ARL15: variants seen among roughly 807,000 people sequenced by gnomAD.
The protein encoded by ARL15 is ARF like GTPase 15, also known as ADP-ribosylation factor-like protein 15.
A neutral mutation model predicts 25.2 loss-of-function variants in ARL15; 19 were observed. That is an observed-to-expected ratio of 0.75 (90% confidence interval 0.53 to 1.10). The LOEUF (loss-of-function observed/expected upper bound fraction) is 1.10. Ranked by LOEUF, ARL15 falls within the 50% of genes least tolerant of loss-of-function variation. The probability of loss-of-function intolerance (pLI) is 0.00; values close to 1 mark genes in which losing one functional copy is unlikely to be tolerated. For synonymous variants in ARL15, 94 were observed against 86.8 expected (o/e 1.08, Z -0.46); for missense variants, 220 against 246.0 (o/e 0.89, Z 0.71).
intron 3 of ARL15, among the ~76,000 whole-genome samples, chr5:54,119,121 T>C (rs951395261): frequency 1.3e-5 from 2 of 152,180 alleles, no homozygotes; most frequent in Non-Finnish European, 2.9e-5. Flanking sequence ...AGGATGACCT[T>C]CCAACGGCTC....
chr5:54,249,312 A>C (rs1757177066), intron 1 of ARL15, among the ~76,000 whole-genome samples: 1 of 152,200 alleles, frequency 6.6e-6, no homozygotes, highest in African/African-American at 2.4e-5. Context: ...CTTTCTATGT[A>C]CATCTCTTTT....
At chr5:53,951,220 C>T (rs1189028737) in intron 4 of ARL15, among the ~76,000 whole-genome samples, 1 of 152,164 alleles carries the variant, frequency 6.6e-6, no homozygotes, top group Non-Finnish European at 1.5e-5. Flanking sequence ...GTATGGCCTA[C>T]AAAGCCTATA....
chr5:53,886,464 T>C lies in ARL15; in HGVS notation c.*97A>G, dbSNP rs531982766. ...GAAATGACCAGAGGAAAATAGATAC[T>C]GAAGCCAATATAGTCTTGATACCAA... is the stretch of plus-strand genomic sequence containing the variant. On this transcript the variant is annotated 3_prime_UTR_variant, in exon 5 of 5. Transcript: ENST00000504924. The C allele has an allele frequency of 1.3e-5, 17 of 1,331,720 alleles. No individual in the cohort carries two copies. In the East Asian group the frequency reaches 4.0e-4, roughly 32 times the overall value. The allele number at this position is 1,331,720 out of a possible 1,614,324, so 82.5% of individuals were successfully genotyped here.
At chr5:54,126,728 T>C (rs1412229368) in intron 3 of ARL15, among the ~76,000 whole-genome samples, 1 of 152,258 alleles carries the variant, frequency 6.6e-6, no homozygotes, top group African/African-American at 2.4e-5. Flanking sequence ...TGCCACAGGA[T>C]AACACGGCAA....
chr5:54,181,180 T>C (rs27428), intron 1 of ARL15, among the ~76,000 whole-genome samples: 38,623 of 152,142 alleles, frequency 0.25, 5,333 homozygotes, highest in African/African-American at 0.34. Flanking sequence ...ATAGGATTTT[T>C]TTCTTTTACT....
At chr5:54,236,714 A>C (rs1424875249) in intron 1 of ARL15, among the ~76,000 whole-genome samples, 1 of 152,196 alleles carries the variant, frequency 6.6e-6, no homozygotes, top group Non-Finnish European at 1.5e-5. Flanking sequence ...CAGTGCATAC[A>C]TTCATTTAAA....
chr5:53,991,798 G>T (rs1374450468), intron 4 of ARL15, among the ~76,000 whole-genome samples: 1 of 152,056 alleles, frequency 6.6e-6, no homozygotes. Flanking sequence ...CACTATGGTG[G>T]TGTCTTTAGG....
chr5:54,270,943 C>G (rs1468437661), intron 1 of ARL15, among the ~76,000 whole-genome samples: 2 of 152,122 alleles, frequency 1.3e-5, no homozygotes, highest in Non-Finnish European at 2.9e-5. Context: ...GTGGTGAAGA[C>G]AGTAAAGAAA....
chr5:54,159,508 T>C (rs1264058739), intron 2 of ARL15, among the ~76,000 whole-genome samples: 1 of 152,200 alleles, frequency 6.6e-6, no homozygotes, highest in Non-Finnish European at 1.5e-5. Context: ...TGAGATGTCC[T>C]CTAAAATTAG....
intron 4 of ARL15, among the ~76,000 whole-genome samples, chr5:53,940,625 T>G (rs987548450): frequency 5.9e-5 from 9 of 152,166 alleles, no homozygotes; most frequent in African/African-American, 2.2e-4. Flanking sequence ...GAAATAAAAG[T>G]CACATGGCAT....
chr5:53,894,683 T>C (rs1744817350), intron 4 of ARL15, among the ~76,000 whole-genome samples: 1 of 152,150 alleles, frequency 6.6e-6, no homozygotes, highest in Non-Finnish European at 1.5e-5. Flanking sequence ...AGTTATTCTA[T>C]CAGGCCCTCT....
intron 1 of ARL15, among the ~76,000 whole-genome samples, chr5:54,305,853 G>C (rs1008571764): frequency 1.3e-5 from 2 of 152,022 alleles, no homozygotes; most frequent in Admixed American, 6.6e-5. Context: ...ATGGGAGGGT[G>C]GAGGCTACTA....
Position 53,989,080 on chromosome 5 carries a change from G to C in ARL15, c.463-102367C>G, listed in dbSNP as rs116736435. ...GATTTGGGGAGGAGAATGGATAATT[G>C]AAAGAGTCCAGACTATGCAGTCAGT... is the stretch of plus-strand genomic sequence containing the variant. On this transcript the variant is annotated intron_variant, in intron 4 of 4. Transcript: ENST00000504924. 7.7e-3 allele frequency among the ~76,000 whole-genome samples: 1,178 copies of C among 152,258 alleles called. 15 individuals carry two copies. Among genetic ancestry groups the C allele is most frequent in the African/African-American group, 0.027 (1,128 of 41,556 alleles).
intron 1 of ARL15, among the ~76,000 whole-genome samples, chr5:54,213,992 G>A (rs1018234704): frequency 2.6e-5 from 4 of 152,082 alleles, no homozygotes; most frequent in Non-Finnish European, 5.9e-5. Context: ...ATATATGAGA[G>A]AGAAGTCTTT....
chr5:54,148,451 C>A (rs1351178797), intron 3 of ARL15, among the ~76,000 whole-genome samples: 1 of 152,076 alleles, frequency 6.6e-6, no homozygotes, highest in African/African-American at 2.4e-5. Flanking sequence ...ATTGCATGGG[C>A]CGAAGCAAAC....
In ARL15 at chr5:53,886,555, C is replaced by A; in HGVS notation, c.*6G>T. On this transcript the variant is annotated 3_prime_UTR_variant, in exon 5 of 5. Coordinates refer to ENST00000504924, the MANE Select transcript of ARL15 (RefSeq NM_019087.3). Reference sequence around the variant, plus strand: ...CCTTTTGGGAGCCTGTTTTCTTTGCCAGATTTCACATTCTTACAGCTTCAT... The same window carrying A: ...CCTTTTGGGAGCCTGTTTTCTTTGCAAGATTTCACATTCTTACAGCTTCAT... The A allele has an allele frequency of 6.4e-7, 1 of 1,552,646 alleles. No homozygotes were observed. The highest frequency in any genetic ancestry group is 2.4e-5 in the East Asian group (1 of 42,490).
intron 4 of ARL15, among the ~76,000 whole-genome samples, chr5:54,079,701 G>A (rs754247127): frequency 6.6e-6 from 1 of 152,226 alleles, no homozygotes. Context: ...CAGGCATGGT[G>A]GCTCACGCCT....
intron 1 of ARL15, among the ~76,000 whole-genome samples, chr5:54,191,400 G>T (rs1282579902): frequency 6.6e-6 from 1 of 151,744 alleles, no homozygotes; most frequent in Non-Finnish European, 1.5e-5. Context: ...GTGATGGTGG[G>T]GATATAACAT....
At chr5:53,923,022 T>C (rs1423939182) in intron 4 of ARL15, among the ~76,000 whole-genome samples, 1 of 152,226 alleles carries the variant, frequency 6.6e-6, no homozygotes, top group Non-Finnish European at 1.5e-5. Flanking sequence ...CTTTCATTTA[T>C]TTTGATGATT....
Sources: allele counts gnomAD v4.1 joint callset (sites outside exome capture counted in the v4.1 genomes callset), GRCh38; gene constraint gnomAD v4.1.1; transcripts MANE v1.5; gene names NCBI Gene and HGNC (gene_info 2026-07-23, HGNC 2026-07-21).